CACNA1C: variants seen among roughly 807,000 people sequenced by gnomAD.
CACNA1C encodes the protein calcium voltage-gated channel subunit alpha1 C, also known as voltage-dependent L-type calcium channel subunit alpha-1C.
A neutral mutation model predicts 229.0 loss-of-function variants in CACNA1C; 30 were observed. The ratio of observed to expected loss-of-function variants is 0.13; its 90% CI spans 0.10 to 0.18. The LOEUF is 0.18. Ranked by LOEUF, CACNA1C falls within the 10% of genes least tolerant of loss-of-function variation. The pLI, the probability that CACNA1C is intolerant of heterozygous loss-of-function variation, is 1.00. For missense variants in CACNA1C, 1,658 were observed against 2,845.0 expected, an observed-to-expected ratio of 0.58 and a Z score of 9.49; for synonymous variants, 1,114 against 1,132.5, an observed-to-expected ratio of 0.98 and a Z score of 0.33.
chr12:2,522,565 C>G (rs2099812004), intron 9 of CACNA1C, among the ~76,000 whole-genome samples: 1 of 152,114 alleles, frequency 6.6e-6, no homozygotes, highest in Admixed American at 6.5e-5. Context: ...TATATAGTCC[C>G]AGGAGAAGAG....
chr12:2,456,304 C>G (rs1183639546), intron 4 of CACNA1C, among the ~76,000 whole-genome samples: 2 of 152,208 alleles, frequency 1.3e-5, no homozygotes, highest in Non-Finnish European at 2.9e-5. Context: ...CCCAGTGTCT[C>G]GCGCCTGGAT....
At chr12:2,322,499 G>A (rs1390125402) in intron 3 of CACNA1C, among the ~76,000 whole-genome samples, 1 of 152,154 alleles carries the variant, frequency 6.6e-6, no homozygotes, top group African/African-American at 2.4e-5. Flanking sequence ...CCATCTGCAC[G>A]ATCTGCAGGC....
At chr12:2,355,667 T>C (rs1373563104) in intron 3 of CACNA1C, among the ~76,000 whole-genome samples, 8 of 152,216 alleles carry the variant, frequency 5.3e-5, no homozygotes, top group Non-Finnish European at 1.2e-4. Context: ...AAAATTATAT[T>C]TAACTTCCTA....
At position 2,403,450 on chromosome 12, in the gene CACNA1C, G is replaced by A. The variant is rs538750002; in HGVS notation, c.478-45526G>A. On this transcript the variant is annotated intron_variant, in intron 3 of 46. Coordinates refer to ENST00000399655, the MANE Select transcript of CACNA1C (RefSeq NM_000719.7). This position sits in a 1 kb window ranked among gnomAD's most constrained non-coding sequence, Gnocchi z 4.1. ...AAGTCAAGGAGGAAGCTGCAGGCACGTGACTCCTGCACTGGCCTCACCTCT... is the reference window on the plus strand; with the variant it reads ...AAGTCAAGGAGGAAGCTGCAGGCACATGACTCCTGCACTGGCCTCACCTCT... Among the ~76,000 whole-genome samples, 3 of 152,258 alleles carry A rather than the reference G, an allele frequency of 2.0e-5. No individual in the cohort carries two copies. Among genetic ancestry groups the A allele is most frequent in the South Asian group, 2.1e-4 (1 of 4,828 alleles).
At position 2,666,764 on chromosome 12, in the gene CACNA1C, T is replaced by C. The variant is rs1364434550; in HGVS notation, c.4605T>C (p.Pro1535=). The C allele has an allele frequency of 1.2e-6, 2 of 1,603,482 alleles. No homozygotes were observed. Among genetic ancestry groups the C allele is most frequent in the Admixed American group, 1.7e-5 (1 of 58,856 alleles). ...CACTAGGTTTTGGGAAGCTGTGCCCTCACCGCGTGGCTTGCAAAGTAAGAG... is the reference window on the plus strand; with the variant it reads ...CACTAGGTTTTGGGAAGCTGTGCCCCCACCGCGTGGCTTGCAAAGTAAGAG... ...QPPLGFGKLC[P]HRVACKRLVS... is the part of the protein sequence containing the mutation. The change falls in exon 37 of 47, where the codon CCT becomes CCC. Residue 1535 remains proline, a synonymous_variant. Transcript: ENST00000399655. This position sits in a 1 kb window ranked among gnomAD's most constrained non-coding sequence, Gnocchi z 5.3.
intron 9 of CACNA1C, among the ~76,000 whole-genome samples, chr12:2,530,930 G>T (rs201820093): frequency 6.6e-6 from 1 of 152,230 alleles, no homozygotes; most frequent in Admixed American, 6.5e-5. Context: ...TAAGAGTACC[G>T]CCTCCAGGCG....
intron 3 of CACNA1C, among the ~76,000 whole-genome samples, chr12:2,391,209 C>G (rs1009015057): frequency 6.6e-6 from 1 of 152,134 alleles, no homozygotes; most frequent in Non-Finnish European, 1.5e-5. Flanking sequence ...CACCAAAGGC[C>G]ATTTGGGGCA....
chr12:2,682,546 G>A lies in CACNA1C; in HGVS notation c.5445-4G>A, dbSNP rs746396503. Reference sequence around the variant, plus strand: ...GATGTTTTTCTTCATCTTGGATATTGTAGGTGCCACTCCCGGGAGAGCCAG... The same window carrying A: ...GATGTTTTTCTTCATCTTGGATATTATAGGTGCCACTCCCGGGAGAGCCAG... On this transcript the variant is annotated splice_region_variant and splice_polypyrimidine_tract_variant and intron_variant, in intron 42 of 46. Coordinates refer to ENST00000399655, the MANE Select transcript of CACNA1C (RefSeq NM_000719.7). 2.5e-6 allele frequency: 4 copies of A among 1,611,298 alleles called. No homozygotes were observed. Among genetic ancestry groups the A allele is most frequent in the East Asian group, 4.5e-5 (2 of 44,834 alleles).
chr12:2,138,261 G>C (rs914748024), intron 3 of CACNA1C, among the ~76,000 whole-genome samples: 1 of 151,252 alleles, frequency 6.6e-6, no homozygotes, highest in African/African-American at 2.4e-5. Flanking sequence ...CTGCACCGAG[G>C]CTTCATCAGA....
chr12:2,596,403 G>A (rs1022256798), intron 20 of CACNA1C, among the ~76,000 whole-genome samples: 4 of 152,176 alleles, frequency 2.6e-5, no homozygotes, highest in Admixed American at 6.5e-5. Flanking sequence ...TTACCTAAAA[G>A]AGAGTCTTGG....
chr12:2,072,605 A>C (rs2061770775), intron 1 of CACNA1C, among the ~76,000 whole-genome samples: 2 of 152,182 alleles, frequency 1.3e-5, no homozygotes. Context: ...AGAGTGTTTT[A>C]AACTTTCAAG....
At chr12:2,682,090 C>T (rs375808247) in intron 42 of CACNA1C, 17 of 1,215,030 alleles carry the variant, frequency 1.4e-5, no homozygotes, top group Non-Finnish European at 1.8e-5. Flanking sequence ...CCCCAGGGTG[C>T]CAGTGTCAGA....
At chr12:2,000,616 A>C (rs113363553) in intron 1 of CACNA1C, among the ~76,000 whole-genome samples, 4,201 of 152,358 alleles carry the variant, frequency 0.028, 97 homozygotes, top group Middle Eastern at 0.058. Context: ...ACACACAAAG[A>C]ATATGAGTTT....
Position 2,556,955 on chromosome 12 carries a change from C to T in CACNA1C, c.1486C>T (p.Arg496Trp), listed in dbSNP as rs760888275. The change falls in exon 11 of 47, where the codon CGG (arginine) becomes TGG (tryptophan). Residue 496 changes from arginine (R) to tryptophan (W), a missense_variant. Coordinates refer to ENST00000399655, the MANE Select transcript of CACNA1C (RefSeq NM_000719.7). ...CATTTCCTTTTTCTTTTTCAGCCAC[C>T]GGATCTCCAAGTCAAAGTTCAGGTG... is the stretch of plus-strand genomic sequence containing the variant. The part of the protein sequence containing the change: ...GENCGARLAH[R>W]ISKSKFSRYW... The T allele has an allele frequency of 5.0e-5, 81 of 1,612,418 alleles. No individual in the cohort carries two copies. Among genetic ancestry groups the T allele is most frequent in the East Asian group, 4.5e-5 (2 of 44,892 alleles).
chr12:2,248,603 T>C (rs1202033472), intron 3 of CACNA1C, among the ~76,000 whole-genome samples: 4 of 152,200 alleles, frequency 2.6e-5, no homozygotes, highest in African/African-American at 9.7e-5. Flanking sequence ...CTTCCTGTCT[T>C]CCTGGGGGTG....
chr12:2,358,637 T>C (rs1456135287), intron 3 of CACNA1C, among the ~76,000 whole-genome samples: 1 of 152,170 alleles, frequency 6.6e-6, no homozygotes, highest in South Asian at 2.1e-4. Flanking sequence ...ATGACGAGTT[T>C]CTAAGTGCAC....
intron 3 of CACNA1C, among the ~76,000 whole-genome samples, chr12:2,325,618 A>G (rs1034229636): frequency 2.6e-5 from 4 of 152,368 alleles, no homozygotes; most frequent in African/African-American, 9.6e-5. Context: ...TACGCACACA[A>G]AGTGCACAGC....
intron 3 of CACNA1C, among the ~76,000 whole-genome samples, chr12:2,433,173 G>T (rs1441178146): frequency 6.6e-6 from 1 of 152,224 alleles, no homozygotes; most frequent in East Asian, 1.9e-4. Context: ...AGGCTGTATA[G>T]ATGCTGCCCT....
chr12:2,521,358 G>A (rs370784986), intron 9 of CACNA1C, among the ~76,000 whole-genome samples: 24 of 152,332 alleles, frequency 1.6e-4, no homozygotes, highest in Admixed American at 4.6e-4. Context: ...TAAAGTGGAT[G>A]TGGATAGAGA....
Sources: allele counts gnomAD v4.1 joint callset (sites outside exome capture counted in the v4.1 genomes callset), GRCh38; gene constraint gnomAD v4.1.1; non-coding constraint Gnocchi (gnomAD v3.1); transcripts MANE v1.5; gene names NCBI Gene and HGNC (gene_info 2026-07-23, HGNC 2026-07-21).